NATD1: variants seen among roughly 807,000 people sequenced by gnomAD.
NATD1 encodes the protein N-acetyltransferase domain containing 1.
In NATD1, 9 loss-of-function variants were observed where a neutral mutation model predicts 12.0. The ratio of observed to expected loss-of-function variants is 0.75; its 90% CI spans 0.45 to 1.30. The LOEUF is 1.30. Among genes scored for constraint, NATD1 ranks in the 50% most tolerant of loss-of-function variants. The probability of loss-of-function intolerance (pLI) is 0.00; values close to 1 mark genes in which losing one functional copy is unlikely to be tolerated. For synonymous variants in NATD1, 71 were observed against 65.9 expected (o/e 1.08, Z -0.37); for missense variants, 148 against 148.5 (o/e 1.00, Z 0.02).
intron 1 of NATD1, among the ~76,000 whole-genome samples, chr17:21,251,423 C>A (rs1186998459): frequency 6.6e-6 from 1 of 152,108 alleles, no homozygotes; most frequent in Non-Finnish European, 1.5e-5. Flanking sequence ...AGCCATGAGG[C>A]CTCTCTCCCA....
At chr17:21,243,770 T>C (rs1435765612) in intron 2 of NATD1, among the ~76,000 whole-genome samples, 2 of 152,148 alleles carry the variant, frequency 1.3e-5, no homozygotes, top group African/African-American at 4.8e-5. Context: ...GTGACGGTCA[T>C]TCTTTGCTCT....
intron 1 of NATD1, among the ~76,000 whole-genome samples, chr17:21,246,404 C>T (rs1975325027): frequency 6.6e-6 from 1 of 151,380 alleles, no homozygotes; most frequent in African/African-American, 2.4e-5. Flanking sequence ...ATCCCAGCTA[C>T]TTGGGAGGCT....
chr17:21,243,701 G>A (rs1165087947), intron 2 of NATD1, among the ~76,000 whole-genome samples: 6 of 152,180 alleles, frequency 3.9e-5, no homozygotes, highest in African/African-American at 1.2e-4. Context: ...CGGGGTGGGG[G>A]TGGAGGAGGG....
chr17:21,242,087 C>G lies in NATD1; in HGVS notation c.*1226G>C, dbSNP rs913457905. The G allele has an allele frequency of 3.1e-4, 47 of 152,840 alleles. No homozygotes were observed. The highest frequency in any genetic ancestry group is 1.0e-3 in the African/African-American group (43 of 41,466). The allele number at this position is 152,840 out of a possible 1,614,324, so 9.5% of individuals were successfully genotyped here. ...ACTCCGACTAACAAATGTCTCAGCC[C>G]TAAAGGGCCCCTGGCTCCAGGTCAC... On this transcript the variant is annotated 3_prime_UTR_variant, in exon 3 of 3. Transcript: ENST00000611551.
chr17:21,250,030 A>G (rs1262053026), intron 1 of NATD1, among the ~76,000 whole-genome samples: 2 of 152,120 alleles, frequency 1.3e-5, no homozygotes, highest in Non-Finnish European at 2.9e-5. Context: ...TAGTAAAGTA[A>G]CCACCTCCCT....
At chr17:21,251,001 G>A (rs114804505) in intron 1 of NATD1, among the ~76,000 whole-genome samples, 1,866 of 152,264 alleles carry the variant, frequency 0.012, 39 homozygotes, top group African/African-American at 0.042. Flanking sequence ...CTCAGACTCA[G>A]ACGACCCCTC....
rs1170108274 is a variant in NATD1, at chr17:21,248,226, T to G, written c.107-4002A>C. Among the ~76,000 whole-genome samples the G allele has an allele frequency of 2.6e-5, 4 of 152,174 alleles. No homozygotes were observed. In the East Asian group the frequency reaches 7.7e-4, roughly 29 times the overall value. On this transcript the variant is annotated intron_variant, in intron 1 of 2. Transcript: ENST00000611551. ...CCTTCAAAGGCCACCCAGTCACAAG[T>G]GTTACACCCATGACACAGGCCACAA...
chr17:21,251,293 G>GAAAAAAA lies in NATD1; in HGVS notation c.106+1859_106+1865dup, dbSNP rs923554742. On this transcript the variant is annotated intron_variant, in intron 1 of 2. Transcript: ENST00000611551. ...TACCCACTTGGAAGAGAAAGAAAAA[G>GAAAAAAA]AAAAAAAAAAAAAAAAAACAAACGT... 2.0e-3 allele frequency among the ~76,000 whole-genome samples: 172 copies of GAAAAAAA among 85,142 alleles called. 1 individual carries two copies. The highest frequency in any genetic ancestry group is 6.7e-3 in the Middle Eastern group (1 of 150). 55.9% of individuals were successfully genotyped at this position (85,142 alleles called of 152,430 possible).
Position 21,242,944 on chromosome 17 carries a change from G to A in NATD1, c.*369C>T. ...CTTCTTAATTTCCAGAAAGGACACA[G>A]GCCCAGGAGAGGTGGCAGCAGGGGT... On this transcript the variant is annotated 3_prime_UTR_variant, in exon 3 of 3. Transcript: ENST00000611551. 1 of 186,556 alleles carries A rather than the reference G, an allele frequency of 5.4e-6. No homozygotes were observed. The highest frequency in any genetic ancestry group is 2.3e-5 in the African/African-American group (1 of 43,070). The allele number at this position is 186,556 out of a possible 1,614,324, so 11.6% of individuals were successfully genotyped here.
Position 21,243,185 on chromosome 17 carries a change from G to A in NATD1, c.*128C>T. The A allele has an allele frequency of 1.4e-6, 1 of 695,548 alleles. No homozygotes were observed. The highest frequency in any genetic ancestry group is 2.4e-6 in the Non-Finnish European group (1 of 417,168). The allele number at this position is 695,548 out of a possible 1,614,324, so 43.1% of individuals were successfully genotyped here. On this transcript the variant is annotated 3_prime_UTR_variant, in exon 3 of 3. Transcript: ENST00000611551. ...TCCAGGGATCTGGACGTGGGGCACA[G>A]ATGAGTGTCCTTACAAAAATAACTC...
intron 1 of NATD1, among the ~76,000 whole-genome samples, chr17:21,249,195 G>GC (rs1421633277): frequency 4.6e-5 from 7 of 152,106 alleles, no homozygotes; most frequent in African/African-American, 7.2e-5. Context: ...CACTGACCCC[G>GC]CAAGGAGAGC....
intron 1 of NATD1, among the ~76,000 whole-genome samples, chr17:21,251,309 AAAC>A (rs1975374084): frequency 1.3e-5 from 2 of 151,964 alleles, no homozygotes; most frequent in East Asian, 1.9e-4. Flanking sequence ...AAAAAAAAAA[AAAC>A]AAACGTATCC....
chr17:21,243,784 T>C (rs1975301237), intron 2 of NATD1, among the ~76,000 whole-genome samples: 1 of 152,156 alleles, frequency 6.6e-6, no homozygotes, highest in South Asian at 2.1e-4. Context: ...TTGCTCTGGC[T>C]GTAACTCCCT....
At position 21,239,297 on chromosome 17, in the gene NATD1, T is replaced by C. The variant is rs1975242126; in HGVS notation, c.*4016A>G. 6.6e-6 allele frequency: 1 copy of C among 152,212 alleles called. No homozygotes were observed. The highest frequency in any genetic ancestry group is 2.4e-5 in the African/African-American group (1 of 41,428). The allele number at this position is 152,212 out of a possible 1,614,324, so 9.4% of individuals were successfully genotyped here. A position where few individuals can be genotyped will look rare whatever the true frequency, so the allele number is the denominator to read the frequency against. On this transcript the variant is annotated 3_prime_UTR_variant, in exon 3 of 3. Transcript: ENST00000611551. ...TGGAAGTTGTATCTGTTTATTGCTT[T>C]TAAGGCTGTCATGAGCAGACATAAG... is the stretch of plus-strand genomic sequence containing the variant.
chr17:21,247,095 C>T (rs112819364), intron 1 of NATD1, among the ~76,000 whole-genome samples: 18 of 152,300 alleles, frequency 1.2e-4, no homozygotes, highest in African/African-American at 4.1e-4. Context: ...GCACACCCTG[C>T]GTCAGTGTTT....
chr17:21,239,456 T>C lies in NATD1; in HGVS notation c.*3857A>G, dbSNP rs1975245091. 1 of 151,828 alleles carries C rather than the reference T, an allele frequency of 6.6e-6. No individual in the cohort carries two copies. Among genetic ancestry groups the C allele is most frequent in the Non-Finnish European group, 1.5e-5 (1 of 68,036 alleles). The allele number at this position is 151,828 out of a possible 1,614,324, so 9.4% of individuals were successfully genotyped here. A position where few individuals can be genotyped will look rare whatever the true frequency, so the allele number is the denominator to read the frequency against. On this transcript the variant is annotated 3_prime_UTR_variant, in exon 3 of 3. Coordinates refer to ENST00000611551, the MANE Select transcript of NATD1 (RefSeq NM_152914.3). ...ATCATCTATCAAATAGGCCTAATAATGGGCATGTCCCGGGACTGCTGTGAA... is the reference window on the plus strand; with the variant it reads ...ATCATCTATCAAATAGGCCTAATAACGGGCATGTCCCGGGACTGCTGTGAA...
chr17:21,240,366 G>C lies in NATD1; in HGVS notation c.*2947C>G, dbSNP rs183650325. On this transcript the variant is annotated 3_prime_UTR_variant, in exon 3 of 3. Coordinates refer to ENST00000611551, the MANE Select transcript of NATD1 (RefSeq NM_152914.3). ...AAGAGGCCAGACACCAGGGAGGGAA[G>C]CCCGCCTCCCCCTCCCCACCTCGAC... 3.4e-5 allele frequency: 5 copies of C among 149,206 alleles called. No homozygotes were observed. In the South Asian group the frequency reaches 1.1e-3, roughly 32 times the overall value. 9.2% of individuals were successfully genotyped at this position (149,206 alleles called of 1,614,324 possible).
At chr17:21,251,582 A>G (rs1597785941) in intron 1 of NATD1, among the ~76,000 whole-genome samples, 1 of 152,194 alleles carries the variant, frequency 6.6e-6, no homozygotes, top group Non-Finnish European at 1.5e-5. Flanking sequence ...TAAGGTCCCT[A>G]GCCTCAGTTT....
chr17:21,243,555 C>A, intron 2 of NATD1, 126 bp from the exon 3 acceptor site: 1 of 677,128 alleles, frequency 1.5e-6, no homozygotes, highest in East Asian at 2.6e-5. Context: ...CAGTAACTCC[C>A]TTGAGTTTCA....
Sources: gnomAD v4.1 joint callset for allele counts (sites outside exome capture counted in the v4.1 genomes callset) on GRCh38, gnomAD v4.1.1 for gene constraint, MANE v1.5 for transcripts, NCBI Gene and HGNC (gene_info 2026-07-23, HGNC 2026-07-21) for gene names.